The following ZNF536 variants were observed in gnomAD, a reference collection of about 807,000 sequenced individuals.
ZNF536 encodes the protein zinc finger protein 536.
In ZNF536, 13 loss-of-function variants were observed where a neutral mutation model predicts 84.5. The ratio of observed to expected loss-of-function variants is 0.15; its 90% CI spans 0.10 to 0.24. The LOEUF is 0.24. ZNF536 is among the 10% of genes least tolerant of loss of function. ZNF536 has a pLI of 1.00. For missense variants in ZNF536, 1,536 were observed against 1,747.5 expected (o/e 0.88, Z 2.16); for synonymous variants, 811 against 742.5 (o/e 1.09, Z -1.50).
chr19:30,254,015 C>T (rs1349116841), intron 1 of ZNF536, among the ~76,000 whole-genome samples: 10 of 151,970 alleles, frequency 6.6e-5, no homozygotes, highest in African/African-American at 1.7e-4. Flanking sequence ...CTGATTTAAC[C>T]ACAATCAAAA....
intron 1 of ZNF536, among the ~76,000 whole-genome samples, chr19:30,686,652 C>G (rs959566611): frequency 2.2e-4 from 33 of 152,158 alleles, no homozygotes; most frequent in African/African-American, 8.0e-4. Context: ...CCCGCCGGCT[C>G]CCGCGGGCTG....
In ZNF536 at chr19:30,298,728, C is replaced by A. The variant is rs534845276; in HGVS notation, c.-120+14587C>A. Among the ~76,000 whole-genome samples, 5 of 152,340 alleles carry A rather than the reference C, an allele frequency of 3.3e-5. No individual in the cohort carries two copies. The South Asian group carries it at 1.0e-3, about 32-fold the overall frequency. ...CCAGTCTGGGAAGGAACCTGGGAAT[C>A]TTCGTTTCTCCCAGTCTCCTTTGGC... On this transcript the variant is annotated intron_variant, in intron 2 of 5. Coordinates refer to the ZNF536 transcript ENST00000585628.
chr19:30,262,367 T>C (rs972371194), intron 1 of ZNF536, among the ~76,000 whole-genome samples: 1 of 152,332 alleles, frequency 6.6e-6, no homozygotes, highest in Non-Finnish European at 1.5e-5. Context: ...CAAGTGCTTG[T>C]ACCTTGTAAC....
intron 1 of ZNF536, among the ~76,000 whole-genome samples, chr19:30,385,119 G>A (rs1257389857): frequency 6.6e-6 from 1 of 151,772 alleles, no homozygotes; most frequent in Non-Finnish European, 1.5e-5. Flanking sequence ...CGGACTTGAT[G>A]TTTGAGGCCT....
chr19:30,333,572 C>T (rs116284699), intron 2 of ZNF536, among the ~76,000 whole-genome samples: 1,557 of 152,318 alleles, frequency 0.01, 24 homozygotes, highest in African/African-American at 0.036. Context: ...TGGTAGAAAT[C>T]TGCTTGCTGC....
chr19:30,519,245 C>T (rs1035505764), intron 2 of ZNF536, among the ~76,000 whole-genome samples: 3 of 152,258 alleles, frequency 2.0e-5, no homozygotes, highest in African/African-American at 7.2e-5. Context: ...CCAAGAGCCA[C>T]CAGCCTTGCT....
intron 1 of ZNF536, among the ~76,000 whole-genome samples, chr19:30,588,520 A>T (rs1156565110): frequency 6.6e-6 from 1 of 152,220 alleles, no homozygotes; most frequent in Non-Finnish European, 1.5e-5. Flanking sequence ...GACCACTCAC[A>T]CAGGGAGTTG....
chr19:30,648,290 G>T (rs2049554726), intron 1 of ZNF536, among the ~76,000 whole-genome samples: 1 of 152,184 alleles, frequency 6.6e-6, no homozygotes, highest in African/African-American at 2.4e-5. Context: ...AGATAGCACT[G>T]TTCCTCTCAG....
chr19:30,631,921 C>G (rs187056210), intron 1 of ZNF536, among the ~76,000 whole-genome samples: 1 of 152,178 alleles, frequency 6.6e-6, no homozygotes, highest in African/African-American at 2.4e-5. Flanking sequence ...CTGAGAGCTG[C>G]GGACTCACTG....
chr19:30,704,385 G>A (rs1437936155), intron 1 of ZNF536, among the ~76,000 whole-genome samples: 3 of 152,090 alleles, frequency 2.0e-5, no homozygotes, highest in African/African-American at 2.4e-5. Flanking sequence ...AGTGGTTCAC[G>A]CCAGTAATCC....
chr19:30,474,843 T>G (rs1188781969), intron 2 of ZNF536, among the ~76,000 whole-genome samples: 1 of 152,036 alleles, frequency 6.6e-6, no homozygotes, highest in Non-Finnish European at 1.5e-5. Context: ...GAGTATATGT[T>G]CTCTGTGACC....
At chr19:30,367,814 C>A (rs1262272411), upstream of ZNF536, among the ~76,000 whole-genome samples, 2 of 152,208 alleles carry the variant, frequency 1.3e-5, no homozygotes, top group African/African-American at 4.8e-5. Context: ...TAGAGCCTTG[C>A]ACTTCACCGT....
chr19:30,280,936 G>A (rs78558187), intron 1 of ZNF536, among the ~76,000 whole-genome samples: 3,070 of 152,230 alleles, frequency 0.02, 115 homozygotes, highest in East Asian at 0.1. Flanking sequence ...TGCGTTCAGC[G>A]GGGCTCATTC....
chr19:30,558,625 T>C (rs1481234874), downstream of ZNF536, among the ~76,000 whole-genome samples: 1 of 152,210 alleles, frequency 6.6e-6, no homozygotes, highest in Non-Finnish European at 1.5e-5. Context: ...CTTTTGCCTG[T>C]TGTTCCACTT....
chr19:30,538,649 G>A (rs558758149), intron 3 of ZNF536, among the ~76,000 whole-genome samples: 12 of 152,230 alleles, frequency 7.9e-5, no homozygotes, highest in South Asian at 2.1e-4. Flanking sequence ...GCAGGATCTC[G>A]GGAGTCCCTA....
In ZNF536 at chr19:30,443,771, T is replaced by A. The variant is rs2148152810; in HGVS notation, c.209T>A (p.Val70Glu). 6.2e-7 allele frequency: 1 copy of A among 1,612,980 alleles called. No individual in the cohort carries two copies. The highest frequency in any genetic ancestry group is 8.5e-7 in the Non-Finnish European group (1 of 1,179,562). ...GCATCCCTGGAGGAGAAGGCCCACGTGCCCATGAGCGGCCAGCCCATGGGC... is the reference window on the plus strand; with the variant it reads ...GCATCCCTGGAGGAGAAGGCCCACGAGCCCATGAGCGGCCAGCCCATGGGC... ...PPASLEEKAH[V>E]PMSGQPMGSQ... is the part of the protein sequence containing the mutation. The change falls in exon 2 of 5, where the codon GTG (valine) becomes GAG (glutamate). Residue 70 changes from valine (V) to glutamate (E), a missense_variant. Transcript: ENST00000355537.
intron 3 of ZNF536, among the ~76,000 whole-genome samples, chr19:30,544,526 G>A (rs894987668): frequency 4.6e-5 from 7 of 152,066 alleles, no homozygotes; most frequent in African/African-American, 1.2e-4. Flanking sequence ...CTGTGCACTC[G>A]CATGCTGTGT....
At chr19:30,403,377 A>G (rs1051522471) in intron 1 of ZNF536, among the ~76,000 whole-genome samples, 13 of 152,226 alleles carry the variant, frequency 8.5e-5, no homozygotes, top group African/African-American at 3.1e-4. Context: ...TGCTGAAAGG[A>G]GGAAAGTGAG....
At chr19:30,534,231 T>C (rs1056947684) in intron 2 of ZNF536, among the ~76,000 whole-genome samples, 1 of 152,236 alleles carries the variant, frequency 6.6e-6, no homozygotes, top group Non-Finnish European at 1.5e-5. Context: ...TGTCACTATA[T>C]GTTTATCATG....
Sources: gnomAD v4.1 joint callset for allele counts (sites outside exome capture counted in the v4.1 genomes callset) on GRCh38, gnomAD v4.1.1 for gene constraint, MANE v1.5 for transcripts, NCBI Gene and HGNC (gene_info 2026-07-23, HGNC 2026-07-21) for gene names.